GLRA1: variants seen among roughly 807,000 people sequenced by gnomAD.
The protein encoded by GLRA1 is glycine receptor alpha 1.
In GLRA1, 37 loss-of-function variants were observed where a neutral mutation model predicts 48.3. The observed-to-expected ratio is 0.77, with a 90% CI of 0.59 to 1.01. The LOEUF (loss-of-function observed/expected upper bound fraction) is 1.01. GLRA1 is among the 50% of genes least tolerant of loss of function. GLRA1 has a pLI of 0.00. For missense variants in GLRA1, 427 were observed against 571.0 expected (o/e 0.75, Z 2.57); for synonymous variants, 196 against 210.7 (o/e 0.93, Z 0.60).
In GLRA1 at chr5:151,851,437, G is replaced by A; in HGVS notation, c.865C>T (p.Leu289Phe). 1.2e-6 allele frequency: 2 copies of A among 1,614,036 alleles called. No individual in the cohort carries two copies. Among genetic ancestry groups the A allele is most frequent in the Non-Finnish European group, 1.7e-6 (2 of 1,179,986 alleles). Residue 289 changes from leucine to phenylalanine, a missense_variant, in exon 7 of 9, where the codon CTC becomes TTC. Leu to Phe is a conservative substitution (Grantham distance 22, BLOSUM62 0). Coordinates refer to ENST00000274576, the MANE Select transcript of GLRA1 (RefSeq NM_000171.4). Reference protein sequence around the residue: ...ARVGLGITTVLTMTTQSSGSR... With the variant: ...ARVGLGITTVFTMTTQSSGSR... ...CCGGAGCTCTGGGTGGTCATGGTGA[G>A]CACAGTGGTGATGCCTAGGCCCACA...
chr5:151,871,661 T>C lies in GLRA1; in HGVS notation c.253-11653A>G, dbSNP rs369015317. Among the ~76,000 whole-genome samples, 232 of 148,790 alleles carry C rather than the reference T, an allele frequency of 1.6e-3. 26 individuals carry two copies. The highest frequency in any genetic ancestry group is 5.7e-3 in the African/African-American group (220 of 38,510). ...CTGCAAGCTCCGCCTCCTGGGTTCATGCCATTCTCCTGCCTCAGCCTCCCG... is the reference window on the plus strand; with the variant it reads ...CTGCAAGCTCCGCCTCCTGGGTTCACGCCATTCTCCTGCCTCAGCCTCCCG... On this transcript the variant is annotated intron_variant, in intron 3 of 8. Transcript: ENST00000274576.
intron 1 of GLRA1, among the ~76,000 whole-genome samples, chr5:151,906,182 CTAAG>C (rs1483832951): frequency 1.3e-5 from 2 of 152,060 alleles, no homozygotes; most frequent in African/African-American, 4.8e-5. Context: ...AATTGTTTGG[CTAAG>C]TAAGAAAATA....
In GLRA1 at chr5:151,870,811, C is replaced by T. The variant is rs189007707; in HGVS notation, c.253-10803G>A. ...ACTTCCCTCAAGACTGTCTACCTCTCTTTTCTCCAATTCCAGTTATGTTAA... is the reference window on the plus strand; with the variant it reads ...ACTTCCCTCAAGACTGTCTACCTCTTTTTTCTCCAATTCCAGTTATGTTAA... On this transcript the variant is annotated intron_variant, in intron 3 of 8. Coordinates refer to ENST00000274576, the MANE Select transcript of GLRA1 (RefSeq NM_000171.4). Among the ~76,000 whole-genome samples, 40 of 149,910 alleles carry T rather than the reference C, an allele frequency of 2.7e-4. 6 individuals are homozygous for T. Among genetic ancestry groups the T allele is most frequent in the African/African-American group, 9.7e-4 (38 of 39,224 alleles).
chr5:151,873,777 TG>T (rs1253123050), intron 3 of GLRA1, among the ~76,000 whole-genome samples: 1 of 152,174 alleles, frequency 6.6e-6, no homozygotes, highest in Non-Finnish European at 1.5e-5. Flanking sequence ...CACTTTGCTC[TG>T]CTCGGAACAC....
At position 151,904,614 on chromosome 5, in the gene GLRA1, G is replaced by A. The variant is rs539597359; in HGVS notation, c.57-12176C>T. Among the ~76,000 whole-genome samples the A allele has an allele frequency of 9.6e-4, 146 of 152,296 alleles. No individual in the cohort carries two copies. In the Middle Eastern group the frequency reaches 0.014, roughly 14 times the overall value. ...GGCATGCTCCAGGGCTAAGCACATG[G>A]ACTCTGGCCTCAAATCAGGCTCTGG... On this transcript the variant is annotated intron_variant, in intron 1 of 8. Coordinates refer to ENST00000274576, the MANE Select transcript of GLRA1 (RefSeq NM_000171.4).
chr5:151,924,041 C>T (rs2113471058), intron 1 of GLRA1, among the ~76,000 whole-genome samples: 1 of 152,264 alleles, frequency 6.6e-6, no homozygotes, highest in South Asian at 2.1e-4. Flanking sequence ...CCTTCCCCGT[C>T]ACCGCTAGTT....
At chr5:151,873,656 A>G (rs1373104567) in intron 3 of GLRA1, among the ~76,000 whole-genome samples, 1 of 139,320 alleles carries the variant, frequency 7.2e-6, no homozygotes, top group African/African-American at 2.8e-5. Flanking sequence ...ACAGAGTGAC[A>G]CTTTGTCTCA....
intron 3 of GLRA1, among the ~76,000 whole-genome samples, chr5:151,872,266 A>G (rs1285646083): frequency 6.7e-6 from 1 of 149,318 alleles, no homozygotes; most frequent in Non-Finnish European, 1.5e-5. Context: ...AAAAAAAGAA[A>G]CCTATAATAT....
chr5:151,829,043 T>G lies in GLRA1; in HGVS notation c.937A>C (p.Ile313Leu), dbSNP rs1346802411. The change falls in exon 8 of 9, where the codon ATT becomes CTT. Residue 313 changes from isoleucine (I) to leucine (L), a missense_variant. By Grantham distance (5) the Ile-to-Leu change is conservative. This residue lies in a region of GLRA1 where 271 missense variants were observed against 434.9 expected (regional missense o/e 0.62). Coordinates refer to ENST00000274576, the MANE Select transcript of GLRA1 (RefSeq NM_000171.4). ...AAGAGCAGGCAAACTGCCATCCAAATGTCAATGGCTTTCACATAGGACACC... is the reference window on the plus strand; with the variant it reads ...AAGAGCAGGCAAACTGCCATCCAAAGGTCAATGGCTTTCACATAGGACACC... ...PKVSYVKAID[I>L]WMAVCLLFVF... 1.2e-6 allele frequency: 2 copies of G among 1,613,880 alleles called. No homozygotes were observed. Among genetic ancestry groups the G allele is most frequent in the Non-Finnish European group, 8.5e-7 (1 of 1,179,958 alleles).
At chr5:151,890,880 C>T (rs867564428) in intron 2 of GLRA1, among the ~76,000 whole-genome samples, 2 of 151,804 alleles carry the variant, frequency 1.3e-5, no homozygotes, top group Non-Finnish European at 2.9e-5. Context: ...GCCTCAGGAA[C>T]AAGGTGCAGG....
intron 7 of GLRA1, among the ~76,000 whole-genome samples, chr5:151,839,173 A>G (rs1158175261): frequency 2.0e-5 from 3 of 152,246 alleles, no homozygotes; most frequent in Admixed American, 6.5e-5. Context: ...TAAAAATGAA[A>G]AATACATTTT....
chr5:151,903,748 TG>T lies in GLRA1; in HGVS notation c.57-11311del, dbSNP rs1581658012. Among the ~76,000 whole-genome samples the T allele has an allele frequency of 2.0e-5, 3 of 152,324 alleles. No individual in the cohort carries two copies. In the East Asian group the frequency reaches 5.8e-4, roughly 29 times the overall value. On this transcript the variant is annotated intron_variant, in intron 1 of 8. Coordinates refer to ENST00000274576, the MANE Select transcript of GLRA1 (RefSeq NM_000171.4). ...GCAAAGGCTACTACCAATGACCAAA[TG>T]CTTTCTAGGTGCCATCCACAGTTAA...
chr5:151,829,640 C>T (rs1449584221), intron 7 of GLRA1, among the ~76,000 whole-genome samples: 2 of 152,200 alleles, frequency 1.3e-5, no homozygotes, highest in Admixed American at 6.5e-5. Context: ...ACAATTCACA[C>T]ATTTAAAGTG....
intron 7 of GLRA1, among the ~76,000 whole-genome samples, chr5:151,847,704 C>T (rs1752714625): frequency 6.8e-6 from 1 of 146,002 alleles, no homozygotes; most frequent in Non-Finnish European, 1.5e-5. Context: ...CCAGCTTGGG[C>T]AACGGAGTGA....
chr5:151,908,644 C>T (rs1032908753), intron 1 of GLRA1, among the ~76,000 whole-genome samples: 1 of 152,072 alleles, frequency 6.6e-6, no homozygotes, highest in Non-Finnish European at 1.5e-5. Flanking sequence ...CCACATTTCT[C>T]TCCCCTTTCT....
At chr5:151,849,130 T>TTC (rs1752780125) in intron 7 of GLRA1, 3 of 210,560 alleles carry the variant, frequency 1.4e-5, no homozygotes, top group African/African-American at 1.3e-4. Flanking sequence ...CTTTCTTTCT[T>TTC]TCTTTCTTTC....
intron 7 of GLRA1, among the ~76,000 whole-genome samples, chr5:151,841,573 A>G (rs932781432): frequency 3.9e-5 from 6 of 152,218 alleles, no homozygotes; most frequent in South Asian, 2.1e-4. Context: ...GCAAAATTGA[A>G]TAACTTCTAA....
chr5:151,858,899 T>C (rs1361352442), intron 4 of GLRA1, among the ~76,000 whole-genome samples: 1 of 152,226 alleles, frequency 6.6e-6, no homozygotes, highest in Non-Finnish European at 1.5e-5. Flanking sequence ...GAGTGCCTAT[T>C]GAATGCCATG....
At chr5:151,837,693 G>A (rs1404187928) in intron 7 of GLRA1, among the ~76,000 whole-genome samples, 2 of 151,984 alleles carry the variant, frequency 1.3e-5, no homozygotes, top group Admixed American at 6.6e-5. Context: ...CATTATTCTC[G>A]GCAAACTAAC....
Sources: gnomAD v4.1 joint callset for allele counts (sites outside exome capture counted in the v4.1 genomes callset) on GRCh38, gnomAD v4.1.1 for gene constraint, gnomAD v4.1.1 regional missense constraint, MANE v1.5 for transcripts, NCBI Gene and HGNC (gene_info 2026-07-23, HGNC 2026-07-21) for gene names.